The following CAPN5 variants were observed in gnomAD, a reference collection of about 807,000 sequenced individuals.
CAPN5 encodes the protein calpain-5.
A neutral mutation model predicts 73.0 loss-of-function variants in CAPN5; 54 were observed. The ratio of observed to expected loss-of-function variants is 0.74; its 90% confidence interval spans 0.59 to 0.93. The LOEUF is 0.93. CAPN5 is among the 40% of genes least tolerant of loss of function. The pLI, the probability that CAPN5 is intolerant of heterozygous loss-of-function variation, is 0.00. For missense variants in CAPN5, 785 were observed against 882.9 expected (o/e 0.89, Z 1.41); for synonymous variants, 335 against 356.9 (o/e 0.94, Z 0.69).
At chr11:77,103,104 C>G in intron 3 of CAPN5, 1 of 1,613,886 alleles carries the variant, frequency 6.2e-7, no homozygotes, top group Admixed American at 1.7e-5. Context: ...GAACTGGACG[C>G]CTGACCTCAC....
intron 3 of CAPN5, among the ~76,000 whole-genome samples, chr11:77,106,349 C>T (rs180911112): frequency 4.6e-5 from 7 of 151,610 alleles, no homozygotes; most frequent in South Asian, 2.1e-4. Context: ...TGGAGTTGCC[C>T]GAGACAGAGG....
At chr11:77,071,184 C>G (rs1565252892) in intron 1 of CAPN5, among the ~76,000 whole-genome samples, 1 of 152,174 alleles carries the variant, frequency 6.6e-6, no homozygotes, top group Non-Finnish European at 1.5e-5. Flanking sequence ...AGTCCTGTTT[C>G]CCCCAGGAGG....
intron 2 of CAPN5, among the ~76,000 whole-genome samples, chr11:77,086,160 C>T (rs1352146542): frequency 6.6e-6 from 1 of 152,128 alleles, no homozygotes; most frequent in Non-Finnish European, 1.5e-5. Flanking sequence ...AGTGAGGTCC[C>T]GCGAAGGCAA....
rs1031152606 is a variant in CAPN5, at chr11:77,097,138, C to T, written c.297+3325C>T. ...TTGGGAGGCTGAGGCAGGAGAATGG[C>T]GTGAACCTGGGAGGTGGAGCTTGCA... On this transcript the variant is annotated intron_variant, in intron 3 of 12. Coordinates refer to ENST00000648180, the MANE Select transcript of CAPN5 (RefSeq NM_004055.5). Among the ~76,000 whole-genome samples, 236 of 152,178 alleles carry T rather than the reference C, an allele frequency of 1.6e-3. 3 individuals carry two copies. Among genetic ancestry groups the T allele is most frequent in the Non-Finnish European group, 3.2e-4 (22 of 67,992 alleles).
chr11:77,070,840 G>A (rs1949897798), intron 1 of CAPN5, among the ~76,000 whole-genome samples: 1 of 152,142 alleles, frequency 6.6e-6, no homozygotes, highest in African/African-American at 2.4e-5. Context: ...ATTCCTTATG[G>A]CAACATTGCC....
At chr11:77,104,596 C>T (rs1235206481) in intron 3 of CAPN5, among the ~76,000 whole-genome samples, 2 of 152,220 alleles carry the variant, frequency 1.3e-5, no homozygotes, top group Non-Finnish European at 2.9e-5. Flanking sequence ...GCCTCATTCC[C>T]CTTCGCATTG....
chr11:77,103,786 A>G (rs1555039424), intron 3 of CAPN5, among the ~76,000 whole-genome samples: 1 of 152,238 alleles, frequency 6.6e-6, no homozygotes. Flanking sequence ...GCCGGCATTC[A>G]CTGCTCCCTG....
chr11:77,105,659 C>G (rs1231629417), intron 3 of CAPN5, among the ~76,000 whole-genome samples: 1 of 152,192 alleles, frequency 6.6e-6, no homozygotes, highest in African/African-American at 2.4e-5. Flanking sequence ...GCTCCCAACC[C>G]CCTCCCAGAC....
intron 3 of CAPN5, among the ~76,000 whole-genome samples, chr11:77,098,811 C>T: frequency 7.6e-6 from 1 of 131,936 alleles, no homozygotes; most frequent in East Asian, 2.3e-4. Context: ...GATGGGGCGG[C>T]TGGCCGGGCG....
rs142423993 is a variant in CAPN5, at chr11:77,117,864, G to A, written c.972-293G>A. The stretch of plus-strand genomic sequence containing the variant: ...TTTGCCAGTGCGTGCTCTGTCAGCC[G>A]AAAGTTGCACTGCCTGCTTTGATTG... On this transcript the variant is annotated intron_variant, in intron 7 of 12. Transcript: ENST00000648180. Among the ~76,000 whole-genome samples, 39 of 152,374 alleles carry A rather than the reference G, an allele frequency of 2.6e-4. 1 individual carries two copies. Among genetic ancestry groups the A allele is most frequent in the African/African-American group, 7.9e-4 (33 of 41,586 alleles).
rs1950550253 is a variant in CAPN5, at chr11:77,124,033, G to A, written c.*163G>A. 3.0e-6 allele frequency: 2 copies of A among 661,754 alleles called. No individual in the cohort carries two copies. Among genetic ancestry groups the A allele is most frequent in the Non-Finnish European group, 5.1e-6 (2 of 393,678 alleles). The allele number at this position is 661,754 out of a possible 1,614,324, so 41.0% of individuals were successfully genotyped here. A position where few individuals can be genotyped will look rare whatever the true frequency, so the allele number is the denominator to read the frequency against. ...TCTCTGCCCCTCTCTCAGCCTCAGT[G>A]TCCCGAGGGCCCCGAAGCATTCCAT... On this transcript the variant is annotated 3_prime_UTR_variant, in exon 13 of 13. Transcript: ENST00000648180.
intron 5 of CAPN5, among the ~76,000 whole-genome samples, chr11:77,115,136 T>G (rs1377990921): frequency 1.3e-5 from 2 of 152,018 alleles, no homozygotes; most frequent in Admixed American, 1.3e-4. Flanking sequence ...ATTTAAATAT[T>G]CCCGAATATT....
chr11:77,099,666 G>A (rs1950262695), intron 3 of CAPN5, among the ~76,000 whole-genome samples: 1 of 151,224 alleles, frequency 6.6e-6, no homozygotes, highest in African/African-American at 2.4e-5. Context: ...CGAGATGGCA[G>A]CAGTACAGTC....
chr11:77,122,940 A>G (rs1017521247), intron 12 of CAPN5, among the ~76,000 whole-genome samples: 25 of 152,346 alleles, frequency 1.6e-4, no homozygotes, highest in African/African-American at 5.5e-4. Flanking sequence ...GAGACCCAGC[A>G]GGGTCCATCT....
intron 2 of CAPN5, among the ~76,000 whole-genome samples, chr11:77,088,281 T>C (rs1350468432): frequency 6.6e-6 from 1 of 152,132 alleles, no homozygotes; most frequent in Admixed American, 6.5e-5. Flanking sequence ...CCGGGGACTC[T>C]TGCCCATCAA....
intron 1 of CAPN5, among the ~76,000 whole-genome samples, chr11:77,072,743 C>A (rs1949922124): frequency 6.6e-6 from 1 of 152,216 alleles, no homozygotes. Context: ...CACTGTCTCA[C>A]CAGTCTTTAA....
chr11:77,098,371 G>C (rs1950238752), intron 3 of CAPN5, among the ~76,000 whole-genome samples: 1 of 117,064 alleles, frequency 8.5e-6, no homozygotes. Context: ...TGGCCGGGCG[G>C]GGGGCTGACC....
intron 3 of CAPN5, among the ~76,000 whole-genome samples, chr11:77,109,517 C>G (rs1279275544): frequency 6.6e-6 from 1 of 152,190 alleles, no homozygotes; most frequent in Non-Finnish European, 1.5e-5. Flanking sequence ...TATTGATGCT[C>G]AAATTAGCCC....
intron 3 of CAPN5, among the ~76,000 whole-genome samples, chr11:77,106,850 G>C (rs1950353503): frequency 1.3e-5 from 2 of 152,262 alleles, no homozygotes; most frequent in Admixed American, 6.5e-5. Flanking sequence ...GGGCGGAGGG[G>C]TGGGCAGGAA....
Sources: gnomAD v4.1 joint callset for allele counts (sites outside exome capture counted in the v4.1 genomes callset) on GRCh38, gnomAD v4.1.1 for gene constraint, MANE v1.5 for transcripts, NCBI Gene and HGNC (gene_info 2026-07-23, HGNC 2026-07-21) for gene names.